The following CACNA1H variants were observed in gnomAD, a reference collection of about 807,000 sequenced individuals.
CACNA1H encodes the protein voltage-dependent T-type calcium channel subunit alpha-1H.
Under a neutral mutation model 192.5 loss-of-function variants are expected in CACNA1H, and 149 were observed. The ratio of observed to expected loss-of-function variants is 0.77; its 90% CI spans 0.68 to 0.89. The LOEUF (loss-of-function observed/expected upper bound fraction) is 0.89, where lower values mean the gene tolerates loss of function less well. Among genes scored for constraint, CACNA1H ranks in the 40% least tolerant of loss-of-function variants. The pLI, the probability that CACNA1H is intolerant of heterozygous loss-of-function variation, is 0.00. For missense variants in CACNA1H, 4,257 were observed against 3,423.5 expected, an observed-to-expected ratio of 1.24 and a Z score of -6.08; for synonymous variants, 2,202 against 1,475.2, an observed-to-expected ratio of 1.49 and a Z score of -11.29.
At chr16:1,216,483 C>T (rs1970036609) in intron 30 of CACNA1H, among the ~76,000 whole-genome samples, 1 of 152,160 alleles carries the variant, frequency 6.6e-6, no homozygotes, top group Non-Finnish European at 1.5e-5. Context: ...GAGGCCCAGG[C>T]CCACCTGCCG....
chr16:1,169,117 G>A (rs1052925108), intron 2 of CACNA1H, among the ~76,000 whole-genome samples: 1 of 148,572 alleles, frequency 6.7e-6, no homozygotes, highest in African/African-American at 2.5e-5. Context: ...AGAACGCTGG[G>A]TGTGCATCCC....
chr16:1,200,972 G>T (rs927863520), intron 8 of CACNA1H, among the ~76,000 whole-genome samples, 164 bp downstream of exon 8: 17 of 152,070 alleles, frequency 1.1e-4, no homozygotes, highest in African/African-American at 4.1e-4. Flanking sequence ...GTGTGGCTGG[G>T]GACCCCAAGA....
rs1158727899 is a variant in CACNA1H at position 1,180,357 on chromosome 16, G to A, written c.300-14615G>A. Among the ~76,000 whole-genome samples, 3 of 152,358 alleles carry A rather than the reference G, an allele frequency of 2.0e-5. No homozygotes were observed. The highest frequency in any genetic ancestry group is 4.1e-4 in the South Asian group (2 of 4,828). On this transcript the variant is annotated intron_variant, in intron 2 of 34. Coordinates refer to ENST00000348261, the MANE Select transcript of CACNA1H (RefSeq NM_021098.3). The surrounding 1 kb of genome is among the most constrained non-coding windows in gnomAD (Gnocchi z 4.4). Reference sequence around the variant, plus strand: ...GGGGAGGACGGTCCCATAGCTGGGGGCAGAGCAGGGCAGGCTGGGTGAGGA... The same window carrying A: ...GGGGAGGACGGTCCCATAGCTGGGGACAGAGCAGGGCAGGCTGGGTGAGGA...
chr16:1,169,443 G>A (rs1012825351), intron 2 of CACNA1H, among the ~76,000 whole-genome samples: 5 of 152,186 alleles, frequency 3.3e-5, no homozygotes, highest in Non-Finnish European at 5.9e-5. Flanking sequence ...CTTGGTCCTC[G>A]CCAGCATGCC....
intron 27 of CACNA1H, among the ~76,000 whole-genome samples, chr16:1,214,705 C>T (rs1425501308): frequency 6.6e-6 from 1 of 151,904 alleles, no homozygotes; most frequent in African/African-American, 2.4e-5. Context: ...AGGGTGGCTT[C>T]CTGGAGACAG....
At chr16:1,170,053 C>G (rs1415934360) in intron 2 of CACNA1H, among the ~76,000 whole-genome samples, 1 of 152,206 alleles carries the variant, frequency 6.6e-6, no homozygotes, top group Admixed American at 6.5e-5. Context: ...TGGGCTGAGC[C>G]CCCCTCCCCC....
intron 2 of CACNA1H, among the ~76,000 whole-genome samples, chr16:1,174,011 G>A (rs1372527744): frequency 1.3e-5 from 2 of 152,342 alleles, no homozygotes; most frequent in Middle Eastern, 3.4e-3. Flanking sequence ...GCACAGTAGG[G>A]CCTCACATCA....
intron 22 of CACNA1H, 58 bp from the exon 23 acceptor site, chr16:1,211,423 T>G: frequency 1.2e-6 from 2 of 1,609,432 alleles, no homozygotes; most frequent in East Asian, 2.2e-5. Context: ...CCCCAGGAAG[T>G]CCGGTGTGGG....
chr16:1,154,035 C>T lies in CACNA1H; in HGVS notation c.298C>T (p.Pro100Ser), dbSNP rs1410165644. Residue 100 changes from proline to serine, a missense_variant and splice_region_variant, in exon 2 of 35, where the codon CCA (proline) becomes TCA (serine). By Grantham distance (74) the Pro-to-Ser change is moderately conservative. Transcript: ENST00000348261. ...CTGGTGCCTCCGGCTGGTCTGCAAC[C>T]CATATCCTTCCCGGCCGGCGGGGGG... is the stretch of plus-strand genomic sequence containing the variant. ...RSWCLRLVCNPWFEHVSMLVI... is the reference protein window; with the variant it reads ...RSWCLRLVCNSWFEHVSMLVI... 16 of 1,313,998 alleles carry T rather than the reference C, an allele frequency of 1.2e-5. No homozygotes were observed. Among genetic ancestry groups the T allele is most frequent in the Middle Eastern group, 2.8e-4 (1 of 3,540 alleles). The allele number at this position is 1,313,998 out of a possible 1,614,324, so 81.4% of individuals were successfully genotyped here.
intron 2 of CACNA1H, among the ~76,000 whole-genome samples, chr16:1,193,837 G>T (rs1966820284): frequency 1.3e-5 from 2 of 152,154 alleles, no homozygotes. Context: ...AGGGGCTCCA[G>T]GCTGGAGTGA....
chr16:1,200,787 C>G lies in CACNA1H; in HGVS notation c.1191C>G (p.Ile397Met), dbSNP rs765469156. The G allele has an allele frequency of 1.9e-6, 3 of 1,552,466 alleles. No homozygotes were observed. Among genetic ancestry groups the G allele is most frequent in the Non-Finnish European group, 8.7e-7 (1 of 1,147,696 alleles). Residue 397 changes from isoleucine (I) to methionine (M), a missense_variant, in exon 8 of 35, where the codon ATC becomes ATG. By Grantham distance (10) the Ile-to-Met change is conservative. Coordinates refer to ENST00000348261, the MANE Select transcript of CACNA1H (RefSeq NM_021098.3). ...VMDAHSFYNF[I>M]YFILLIIVGS... ...ACGCCCACTCATTCTACAACTTCAT[C>G]TATTTCATCCTGCTCATCATCGTGA...
chr16:1,174,600 C>T (rs942565114), intron 2 of CACNA1H, among the ~76,000 whole-genome samples: 2 of 152,218 alleles, frequency 1.3e-5, no homozygotes, highest in Admixed American at 6.5e-5. Flanking sequence ...GGGCCCCTCC[C>T]CAAGCAGGGG....
chr16:1,210,272 G>A (rs1969270647), intron 18 of CACNA1H, 98 bp from the exon 19 acceptor site: 5 of 1,267,920 alleles, frequency 3.9e-6, no homozygotes, highest in South Asian at 3.9e-5. Context: ...AGGGACCGGG[G>A]CTGAAGTGGA....
intron 2 of CACNA1H, among the ~76,000 whole-genome samples, chr16:1,165,171 C>T (rs574982375): frequency 1.3e-5 from 2 of 152,112 alleles, no homozygotes; most frequent in African/African-American, 2.4e-5. Flanking sequence ...AGCTGACCAC[C>T]GTGGCGCGAT....
At chr16:1,184,467 A>G (rs1596349078) in intron 2 of CACNA1H, among the ~76,000 whole-genome samples, 2 of 152,166 alleles carry the variant, frequency 1.3e-5, no homozygotes, top group South Asian at 4.1e-4. Flanking sequence ...AGGGCTCATC[A>G]CCTGCCGGCC....
intron 34 of CACNA1H, among the ~76,000 whole-genome samples, chr16:1,219,419 A>G (rs979875560): frequency 6.6e-6 from 1 of 151,570 alleles, no homozygotes; most frequent in Non-Finnish European, 1.5e-5. Flanking sequence ...GCGGTTTCTC[A>G]GGTCCCGTGG....
chr16:1,173,125 G>A (rs1160974902), intron 2 of CACNA1H, among the ~76,000 whole-genome samples: 2 of 152,298 alleles, frequency 1.3e-5, no homozygotes, highest in East Asian at 3.9e-4. Flanking sequence ...CGAGGTGTGG[G>A]GCAAGTTGGA....
chr16:1,206,853 G>A (rs946025320), intron 12 of CACNA1H, 148 bp from the exon 13 acceptor site: 10 of 582,190 alleles, frequency 1.7e-5, no homozygotes, highest in East Asian at 5.5e-5. Flanking sequence ...GAGCTCGGGC[G>A]CCCAGGGAGG....
intron 2 of CACNA1H, among the ~76,000 whole-genome samples, chr16:1,155,018 C>T (rs936200314): frequency 2.0e-5 from 3 of 152,176 alleles, no homozygotes; most frequent in African/African-American, 7.2e-5. Flanking sequence ...TGCCCGCAGA[C>T]GTCCCCCGTC....
Sources: gnomAD v4.1 joint callset for allele counts (sites outside exome capture counted in the v4.1 genomes callset) on GRCh38, gnomAD v4.1.1 for gene constraint, Gnocchi (gnomAD v3.1) non-coding constraint, MANE v1.5 for transcripts, NCBI Gene and HGNC (gene_info 2026-07-23, HGNC 2026-07-21) for gene names.